Variants in PRIM2 observed in about 807,000 individuals in gnomAD.
PRIM2 encodes DNA primase large subunit.
Under a neutral mutation model 67.3 loss-of-function variants are expected in PRIM2, and 39 were observed. The observed-to-expected ratio is 0.58, with a 90% CI of 0.45 to 0.76. PRIM2 has a LOEUF of 0.76. Among genes scored for constraint, PRIM2 ranks in the 30% least tolerant of loss-of-function variants. PRIM2 has a pLI of 0.00. For synonymous variants in PRIM2, 143 were observed against 198.7 expected (o/e 0.72, Z 2.36); for missense variants, 398 against 598.7 (o/e 0.66, Z 3.50).
chr6:57,476,995 T>C (rs1773492892), intron 7 of PRIM2, among the ~76,000 whole-genome samples: 1 of 152,104 alleles, frequency 6.6e-6, no homozygotes, highest in Admixed American at 6.5e-5. Context: ...ATGAGTTGGA[T>C]TTTAAGAGAT....
intron 10 of PRIM2, among the ~76,000 whole-genome samples, chr6:57,595,649 A>G (rs1776352989): frequency 6.6e-6 from 1 of 152,128 alleles, no homozygotes; most frequent in African/African-American, 2.4e-5. Flanking sequence ...ACTCAGGGAA[A>G]CACTTATATT....
At position 57,606,404 on chromosome 6, in the gene PRIM2, C is replaced by T; in HGVS notation, c.1177C>T (p.Leu393=). ...CCCATTCCGTCACAGTGATCCAGAG[C>T]TGCTGAAGCAAAAGTTGCAGTCATA... ...GCPFRHSDPE[L]LKQKLQSYKI... The change falls in exon 12 of 14, where the codon CTG becomes TTG. Residue 393 remains leucine, a synonymous_variant. Coordinates refer to ENST00000615550, the MANE Select transcript of PRIM2 (RefSeq NM_000947.5). 3 of 1,598,516 alleles carry T rather than the reference C, an allele frequency of 1.9e-6. No homozygotes were observed. Among genetic ancestry groups the T allele is most frequent in the Non-Finnish European group, 2.6e-6 (3 of 1,171,588 alleles).
chr6:57,645,963 T>G lies in PRIM2; in HGVS notation c.1335T>G (p.Asn445Lys). The G allele has an allele frequency of 6.2e-7, 1 of 1,600,756 alleles. No individual in the cohort carries two copies. The highest frequency in any genetic ancestry group is 8.6e-7 in the Non-Finnish European group (1 of 1,167,854). The change falls in exon 14 of 14, where the codon AAT becomes AAG. Residue 445 changes from asparagine (N) to lysine (K), a missense_variant. This residue lies in a region of PRIM2 where 72 missense variants were observed against 89.4 expected (regional missense o/e 0.81). Coordinates refer to ENST00000615550, the MANE Select transcript of PRIM2 (RefSeq NM_000947.5). ...DDCGFSLNHP[N>K]QFFCESQRIL... The stretch of plus-strand genomic sequence containing the variant: ...GTGGCTTTTCTTTGAATCATCCTAA[T>G]CAGTTCTTTTGTGAGAGCCAACGTA...
intron 7 of PRIM2, among the ~76,000 whole-genome samples, chr6:57,423,241 G>A (rs1250808779): frequency 1.3e-5 from 2 of 152,092 alleles, no homozygotes; most frequent in Admixed American, 6.6e-5. Context: ...AGTTCCAGAT[G>A]TAGGAACATG....
chr6:57,556,484 G>A (rs1347506865), intron 10 of PRIM2, among the ~76,000 whole-genome samples: 17 of 152,176 alleles, frequency 1.1e-4, no homozygotes, highest in South Asian at 2.1e-4. Context: ...AAATAAGGCT[G>A]CACACCTACG....
At chr6:57,582,944 C>A (rs1393946942) in intron 10 of PRIM2, among the ~76,000 whole-genome samples, 3 of 88,390 alleles carry the variant, frequency 3.4e-5, no homozygotes, top group Non-Finnish European at 4.5e-5. Flanking sequence ...CCCCTCCCCC[C>A]ACCCCACAAC....
chr6:57,465,384 A>C (rs199786781), intron 7 of PRIM2, among the ~76,000 whole-genome samples: 2 of 152,214 alleles, frequency 1.3e-5, no homozygotes, highest in African/African-American at 4.8e-5. Flanking sequence ...AGCAGCAGCT[A>C]TACTGGGTTT....
At chr6:57,336,325 C>T (rs1047048404) in intron 5 of PRIM2, among the ~76,000 whole-genome samples, 2 of 151,602 alleles carry the variant, frequency 1.3e-5, no homozygotes, top group Admixed American at 1.3e-4. Flanking sequence ...TCTAGCAAGG[C>T]AGGCCAACAT....
intron 7 of PRIM2, among the ~76,000 whole-genome samples, chr6:57,496,441 C>T (rs2127412133): frequency 6.6e-6 from 1 of 152,196 alleles, no homozygotes; most frequent in Admixed American, 6.5e-5. Flanking sequence ...TCAGTCTGGG[C>T]CCTCTTTTAA....
At chr6:57,523,243 T>C (rs1425258426) in intron 8 of PRIM2, among the ~76,000 whole-genome samples, 1 of 152,258 alleles carries the variant, frequency 6.6e-6, no homozygotes, top group Non-Finnish European at 1.5e-5. Context: ...TTGTGATCTG[T>C]TTTATAATCC....
intron 7 of PRIM2, among the ~76,000 whole-genome samples, chr6:57,450,330 A>G (rs1483892601): frequency 6.6e-6 from 1 of 152,186 alleles, no homozygotes. Flanking sequence ...GTAGTTTGAT[A>G]TCCACTGGCC....
At chr6:57,466,121 T>C (rs1187204496) in intron 7 of PRIM2, among the ~76,000 whole-genome samples, 3 of 152,206 alleles carry the variant, frequency 2.0e-5, no homozygotes, top group Non-Finnish European at 4.4e-5. Context: ...GGTTTCCAGC[T>C]TCATCCATCT....
chr6:57,391,391 C>T (rs1770339879), intron 7 of PRIM2, among the ~76,000 whole-genome samples: 2 of 150,878 alleles, frequency 1.3e-5, no homozygotes, highest in Non-Finnish European at 3.0e-5. Context: ...TTAGTTAGAT[C>T]CCATTTGCCA....
intron 5 of PRIM2, among the ~76,000 whole-genome samples, chr6:57,357,431 G>A (rs533462477): frequency 2.6e-4 from 40 of 152,244 alleles, no homozygotes; most frequent in African/African-American, 8.9e-4. Flanking sequence ...CTATGGACCA[G>A]CCATGTGAAC....
intron 7 of PRIM2, among the ~76,000 whole-genome samples, chr6:57,450,644 G>A (rs535526705): frequency 7.9e-5 from 12 of 152,166 alleles, no homozygotes; most frequent in African/African-American, 2.4e-4. Context: ...CATTTGGCCC[G>A]TTAGCCAAGC....
intron 13 of PRIM2, among the ~76,000 whole-genome samples, chr6:57,645,527 G>A (rs1449300972): frequency 4.6e-5 from 7 of 151,030 alleles, no homozygotes; most frequent in Non-Finnish European, 7.4e-5. Context: ...GTGAGAGAAA[G>A]GTGTCTAGTA....
At chr6:57,581,975 C>T (rs1292106383) in intron 10 of PRIM2, among the ~76,000 whole-genome samples, 67 of 152,204 alleles carry the variant, frequency 4.4e-4, no homozygotes, top group African/African-American at 1.6e-3. Context: ...GCTGGGACTA[C>T]AGGCATGGGG....
chr6:57,537,470 C>G lies in PRIM2; in HGVS notation c.865C>G (p.Arg289Gly). 3.4e-6 allele frequency: 5 copies of G among 1,463,510 alleles called. No individual in the cohort carries two copies. The South Asian group carries it at 6.4e-5, about 19-fold the overall frequency. The allele number at this position is 1,463,510 out of a possible 1,614,324, so 90.7% of individuals were successfully genotyped here. ...TACCAAATCCTTCCCACCTTGCATGCGTCAGTTACATAAAGCCTTGCGGGA... is the reference window on the plus strand; with the variant it reads ...TACCAAATCCTTCCCACCTTGCATGGGTCAGTTACATAAAGCCTTGCGGGA... ...LSTKSFPPCM[R>G]QLHKALRENH... Residue 289 changes from arginine (R) to glycine (G), a missense_variant, in exon 10 of 14, where the codon CGT becomes GGT. Physicochemically the swap from Arg to Gly is moderately radical, Grantham distance 125. Coordinates refer to ENST00000615550, the MANE Select transcript of PRIM2 (RefSeq NM_000947.5).
the PRIM2 span, among the ~76,000 whole-genome samples, chr6:57,236,668 T>A: frequency 6.6e-6 from 1 of 152,140 alleles, no homozygotes; most frequent in African/African-American, 2.4e-5. Flanking sequence ...ATGCGGTGTT[T>A]GGTTTTTTGT....
Sources: allele counts gnomAD v4.1 joint callset (sites outside exome capture counted in the v4.1 genomes callset), GRCh38; gene constraint gnomAD v4.1.1; regional missense constraint gnomAD v4.1.1; transcripts MANE v1.5; gene names NCBI Gene and HGNC (gene_info 2026-07-23, HGNC 2026-07-21).